The following KCNJ12 variants were observed in gnomAD, a reference collection of about 807,000 sequenced individuals.
KCNJ12 encodes potassium inwardly rectifying channel subfamily J member 12.
Under a neutral mutation model 22.3 loss-of-function variants are expected in KCNJ12, and 2 were observed. That is an observed-to-expected ratio of 0.09 (90% CI 0.04 to 0.28). The LOEUF (loss-of-function observed/expected upper bound fraction) is 0.28. KCNJ12 is among the 10% of genes least tolerant of loss of function. The probability of loss-of-function intolerance (pLI) is 1.00; values close to 1 mark genes in which losing one functional copy is unlikely to be tolerated. For missense variants in KCNJ12, 155 were observed against 633.3 expected, an observed-to-expected ratio of 0.24 and a Z score of 8.11; for synonymous variants, 117 against 261.4, an observed-to-expected ratio of 0.45 and a Z score of 5.33.
At chr17:21,403,100 T>C (rs2142064226) in intron 1 of KCNJ12, among the ~76,000 whole-genome samples, 1 of 152,430 alleles carries the variant, frequency 6.6e-6, no homozygotes, top group Non-Finnish European at 1.5e-5. Flanking sequence ...GGGGAAATCA[T>C]GGAAGACTTC....
At chr17:21,377,076 C>T (rs558855263) in intron 1 of KCNJ12, among the ~76,000 whole-genome samples, 163 bp downstream of exon 1, 11 of 152,296 alleles carry the variant, frequency 7.2e-5, no homozygotes, top group African/African-American at 2.6e-4. Context: ...ATTTTTTTCC[C>T]TCCCTTGGTG....
intron 1 of KCNJ12, among the ~76,000 whole-genome samples, chr17:21,390,742 T>G (rs1905189724): frequency 6.6e-6 from 1 of 152,212 alleles, no homozygotes; most frequent in Non-Finnish European, 1.5e-5. Flanking sequence ...TGTGGTTGGT[T>G]TCAAATCTCC....
chr17:21,397,738 A>T (rs1597566308), intron 1 of KCNJ12, among the ~76,000 whole-genome samples: 1 of 151,994 alleles, frequency 6.6e-6, no homozygotes, highest in Admixed American at 6.5e-5. Context: ...CTGGGAAAGG[A>T]CCCCAAGCCG....
At chr17:21,410,272 G>C (rs1325464355) in intron 2 of KCNJ12, among the ~76,000 whole-genome samples, 13 of 152,236 alleles carry the variant, frequency 8.5e-5, no homozygotes, top group Non-Finnish European at 4.4e-5. Context: ...CTATGTGACG[G>C]AGCAAGGGCA....
chr17:21,408,058 A>G (rs1450825582), intron 1 of KCNJ12, among the ~76,000 whole-genome samples: 2 of 137,486 alleles, frequency 1.5e-5, no homozygotes, highest in Non-Finnish European at 3.3e-5. Context: ...GCTATTCACA[A>G]CTGGCTCCAA....
Position 21,400,884 on chromosome 17 carries a change from A to G in KCNJ12, c.-178-7635A>G, listed in dbSNP as rs1433416892. On this transcript the variant is annotated intron_variant, in intron 1 of 2. Coordinates refer to ENST00000583088, the MANE Select transcript of KCNJ12 (RefSeq NM_021012.5). ...GTTGCTTATGAGCGCCCTAACTAGC[A>G]AGACCCGGTGGCAGCCGTCCTACTG... Among the ~76,000 whole-genome samples, 4 of 152,418 alleles carry G rather than the reference A, an allele frequency of 2.6e-5. No individual in the cohort carries two copies. The East Asian group carries it at 7.7e-4, about 29-fold the overall frequency.
chr17:21,378,394 G>T (rs1904745060), intron 1 of KCNJ12, among the ~76,000 whole-genome samples: 1 of 152,202 alleles, frequency 6.6e-6, no homozygotes, highest in Non-Finnish European at 1.5e-5. Context: ...CCCAACAAAA[G>T]ACTTCACAGC....
In KCNJ12 at chr17:21,415,510, G is replaced by T; in HGVS notation, c.168G>T (p.Glu56Asp). ...FVKKNGQCNI[E>D]FANMDEKSQR... Reference sequence around the variant, plus strand: ...AGAAGAATGGCCAGTGCAACATTGAGTTCGCCAACATGGACGAGAAGTCAC... The same window carrying T: ...AGAAGAATGGCCAGTGCAACATTGATTTCGCCAACATGGACGAGAAGTCAC... Residue 56 changes from glutamate to aspartate, a missense_variant, in exon 3 of 3, where the codon GAG becomes GAT. Coordinates refer to ENST00000583088, the MANE Select transcript of KCNJ12 (RefSeq NM_021012.5). 2 of 1,614,272 alleles carry T rather than the reference G, an allele frequency of 1.2e-6. No individual in the cohort carries two copies. Among genetic ancestry groups the T allele is most frequent in the Non-Finnish European group, 1.7e-6 (2 of 1,180,060 alleles).
chr17:21,388,983 C>T (rs889533175), intron 1 of KCNJ12, among the ~76,000 whole-genome samples: 18 of 152,232 alleles, frequency 1.2e-4, no homozygotes, highest in Non-Finnish European at 2.1e-4. Flanking sequence ...TGGATTGACA[C>T]GGGCTGCTCT....
At chr17:21,381,974 C>T (rs1904883724) in intron 1 of KCNJ12, among the ~76,000 whole-genome samples, 1 of 152,174 alleles carries the variant, frequency 6.6e-6, no homozygotes, top group African/African-American at 2.4e-5. Context: ...CATTGTCAGC[C>T]CATTCTGCAG....
intron 1 of KCNJ12, among the ~76,000 whole-genome samples, chr17:21,384,160 GCATA>G (rs2144766434): frequency 6.6e-6 from 1 of 152,232 alleles, no homozygotes; most frequent in East Asian, 1.9e-4. Context: ...TGGGACCATT[GCATA>G]CATGTCATGG....
At chr17:21,386,204 G>A (rs1165794601) in intron 1 of KCNJ12, among the ~76,000 whole-genome samples, 1 of 152,220 alleles carries the variant, frequency 6.6e-6, no homozygotes, top group Non-Finnish European at 1.5e-5. Context: ...CTCTGAGGGA[G>A]AAGCCATTCT....
In KCNJ12 at chr17:21,419,397, AC is replaced by A. The variant is rs1907023079; in HGVS notation, c.*2756del. On this transcript the variant is annotated 3_prime_UTR_variant, in exon 3 of 3. Coordinates refer to ENST00000583088, the MANE Select transcript of KCNJ12 (RefSeq NM_021012.5). ...GTACAAGTTTCCTGTGAGGGAGGGC[AC>A]CCACCCATCAGGTTGGGCACTGGCA... The A allele has an allele frequency of 1.2e-5, 2 of 166,510 alleles. No individual in the cohort carries two copies. Among genetic ancestry groups the A allele is most frequent in the East Asian group, 3.9e-4 (2 of 5,156 alleles). The allele number at this position is 166,510 out of a possible 1,614,324, so 10.3% of individuals were successfully genotyped here.
chr17:21,399,287 T>G (rs2142060384), intron 1 of KCNJ12, among the ~76,000 whole-genome samples: 1 of 152,316 alleles, frequency 6.6e-6, no homozygotes, highest in East Asian at 1.9e-4. Context: ...CTGAGCTTAT[T>G]TCTTCGTCTT....
chr17:21,399,011 C>T (rs1352982570), intron 1 of KCNJ12, among the ~76,000 whole-genome samples: 1 of 152,212 alleles, frequency 6.6e-6, no homozygotes, highest in African/African-American at 2.4e-5. Context: ...GGAGCCCTGG[C>T]AGGAGCTGGG....
At chr17:21,384,211 G>C (rs782695900) in intron 1 of KCNJ12, among the ~76,000 whole-genome samples, 9 of 152,166 alleles carry the variant, frequency 5.9e-5, no homozygotes, top group African/African-American at 1.2e-4. Flanking sequence ...TGTGGTGCCC[G>C]TGCCCACTGG....
At position 21,416,532 on chromosome 17, in the gene KCNJ12, A is replaced by G; in HGVS notation, c.1190A>G (p.Asp397Gly). The G allele has an allele frequency of 6.2e-7, 1 of 1,611,462 alleles. No homozygotes were observed. Among genetic ancestry groups the G allele is most frequent in the Admixed American group, 1.7e-5 (1 of 59,946 alleles). Reference sequence around the variant, plus strand: ...GAGGATGAGGCGGACGGAGACCAGGACGGCCGAAGCCGGGACGGCCTCAGC... The same window carrying G: ...GAGGATGAGGCGGACGGAGACCAGGGCGGCCGAAGCCGGGACGGCCTCAGC... ...DEEDEADGDQ[D>G]GRSRDGLSPQ... is the part of the protein sequence containing the mutation. Residue 397 changes from aspartate (D) to glycine (G), a missense_variant, in exon 3 of 3, where the codon GAC becomes GGC. Transcript: ENST00000583088.
At chr17:21,413,172 G>A (rs1906475001) in intron 2 of KCNJ12, among the ~76,000 whole-genome samples, 1 of 126,360 alleles carries the variant, frequency 7.9e-6, no homozygotes, top group Admixed American at 8.4e-5. Flanking sequence ...CCAGACTAGT[G>A]TGGACGTGGC....
intron 1 of KCNJ12, among the ~76,000 whole-genome samples, chr17:21,402,482 C>A (rs2142063568): frequency 6.6e-6 from 1 of 152,426 alleles, no homozygotes; most frequent in East Asian, 1.9e-4. Flanking sequence ...CAGTGCCAGG[C>A]CGTGGCGCGC....
Sources: gnomAD v4.1 joint callset for allele counts (sites outside exome capture counted in the v4.1 genomes callset) on GRCh38, gnomAD v4.1.1 for gene constraint, MANE v1.5 for transcripts, NCBI Gene and HGNC (gene_info 2026-07-23, HGNC 2026-07-21) for gene names.